The following ANO3 variants were observed in gnomAD, a reference collection of about 807,000 sequenced individuals.
The protein encoded by ANO3 is anoctamin-3.
ANO3 carries 99 observed loss-of-function variants against 144.8 expected under a neutral mutation model. The observed-to-expected ratio is 0.68, with a 90% CI of 0.58 to 0.81. ANO3 has a LOEUF of 0.81. Among genes scored for constraint, ANO3 ranks in the 30% least tolerant of loss-of-function variants. The pLI is 0.00. For missense variants in ANO3, 905 were observed against 1,202.2 expected (o/e 0.75, Z 3.66); for synonymous variants, 414 against 392.6 (o/e 1.05, Z -0.64).
intron 1 of ANO3, among the ~76,000 whole-genome samples, chr11:26,209,223 A>G (rs1188139997): frequency 6.6e-6 from 1 of 151,998 alleles, no homozygotes; most frequent in Non-Finnish European, 1.5e-5. Context: ...TCAACTCCCA[A>G]TATCAGTGAG....
intron 6 of ANO3, among the ~76,000 whole-genome samples, chr11:26,518,149 A>G (rs934928716): frequency 3.3e-5 from 5 of 152,096 alleles, no homozygotes; most frequent in South Asian, 2.1e-4. Context: ...ACTAATTTTG[A>G]GAGTACAGCT....
chr11:26,606,784 G>C (rs1347687339), intron 17 of ANO3, among the ~76,000 whole-genome samples: 1 of 152,202 alleles, frequency 6.6e-6, no homozygotes, highest in East Asian at 1.9e-4. Flanking sequence ...GGTTAATATT[G>C]TTATGTGTGA....
chr11:26,518,189 T>A (rs7945815), intron 6 of ANO3, among the ~76,000 whole-genome samples: 6 of 151,824 alleles, frequency 4.0e-5, no homozygotes, highest in Middle Eastern at 3.2e-3. Context: ...CTAAACAACA[T>A]TTCTTGAGTT....
chr11:26,597,383 A>T (rs772392411), intron 14 of ANO3, among the ~76,000 whole-genome samples: 2 of 152,196 alleles, frequency 1.3e-5, no homozygotes, highest in African/African-American at 2.4e-5. Flanking sequence ...GTTCAGCTGG[A>T]TTAGGACGAA....
chr11:26,506,051 A>G (rs1861423627), intron 4 of ANO3, among the ~76,000 whole-genome samples: 1 of 151,638 alleles, frequency 6.6e-6, no homozygotes, highest in South Asian at 2.1e-4. Flanking sequence ...CAGCAATAAT[A>G]TGTCATTAGT....
intron 1 of ANO3, among the ~76,000 whole-genome samples, chr11:26,314,516 G>C (rs1018360435): frequency 6.6e-6 from 1 of 152,142 alleles, no homozygotes; most frequent in Admixed American, 6.5e-5. Flanking sequence ...GGATTGGCGA[G>C]GATGCTGTGG....
intron 6 of ANO3, among the ~76,000 whole-genome samples, chr11:26,518,316 T>G (rs144314265): frequency 0.01 from 1,540 of 152,158 alleles, 26 homozygotes; most frequent in Non-Finnish European, 0.011. Flanking sequence ...ATGGCAGGAA[T>G]ACTTGCTCTT....
At chr11:26,264,780 A>C (rs1853270054) in intron 1 of ANO3, among the ~76,000 whole-genome samples, 1 of 152,048 alleles carries the variant, frequency 6.6e-6, no homozygotes, top group Admixed American at 6.6e-5. Context: ...TCTGTATCCT[A>C]ATTTTCATTT....
chr11:26,202,177 C>T (rs900782838), intron 1 of ANO3, among the ~76,000 whole-genome samples: 21 of 147,532 alleles, frequency 1.4e-4, no homozygotes, highest in Admixed American at 2.1e-4. Context: ...TCTAACTGAC[C>T]TCACATAATC....
intron 13 of ANO3, among the ~76,000 whole-genome samples, chr11:26,554,581 C>T (rs1339515404): frequency 6.6e-6 from 1 of 152,070 alleles, no homozygotes; most frequent in Non-Finnish European, 1.5e-5. Flanking sequence ...TCTGTGTAGT[C>T]ACCGAGCCTC....
chr11:26,325,866 C>T (rs570694813), intron 1 of ANO3, among the ~76,000 whole-genome samples: 41 of 152,216 alleles, frequency 2.7e-4, no homozygotes, highest in African/African-American at 8.9e-4. Flanking sequence ...GGAGATGGAA[C>T]GACCGTTAGA....
At position 26,662,437 on chromosome 11, in the gene ANO3, C is replaced by A. The variant is rs1263811322; in HGVS notation, c.*1993C>A. ...TTTCTTTGTTAGGTACATGTATACA[C>A]CTGCCTGAGTATAAATACTCTCTCT... On this transcript the variant is annotated 3_prime_UTR_variant, in exon 27 of 27. Transcript: ENST00000256737. 6.6e-6 allele frequency: 1 copy of A among 151,944 alleles called. No homozygotes were observed. Among genetic ancestry groups the A allele is most frequent in the Non-Finnish European group, 1.5e-5 (1 of 67,956 alleles). The allele number at this position is 151,944 out of a possible 1,614,324, so 9.4% of individuals were successfully genotyped here.
intron 4 of ANO3, among the ~76,000 whole-genome samples, chr11:26,502,708 AATGC>A (rs1861246323): frequency 2.0e-5 from 3 of 152,150 alleles, no homozygotes; most frequent in Non-Finnish European, 4.4e-5. Context: ...AGAGCATTGT[AATGC>A]AATGTTTACA....
At chr11:26,529,145 A>AT (rs1246888179) in intron 7 of ANO3, among the ~76,000 whole-genome samples, 2 of 7,328 alleles carry the variant, frequency 2.7e-4, no homozygotes, top group Non-Finnish European at 5.9e-4. Flanking sequence ...TATATTATAT[A>AT]ATAATATATA....
At chr11:26,490,799 C>A (rs1250411203) in intron 4 of ANO3, among the ~76,000 whole-genome samples, 1 of 152,146 alleles carries the variant, frequency 6.6e-6, no homozygotes, top group African/African-American at 2.4e-5. Flanking sequence ...CAAGTGTTTC[C>A]TTCATGAAAG....
chr11:26,593,719 G>A (rs969000674), intron 14 of ANO3, among the ~76,000 whole-genome samples: 3 of 152,132 alleles, frequency 2.0e-5, no homozygotes, highest in Admixed American at 1.3e-4. Context: ...TTTCTATTTG[G>A]ACAATCTTTT....
intron 1 of ANO3, among the ~76,000 whole-genome samples, chr11:26,226,451 A>G (rs1177246283): frequency 6.6e-6 from 1 of 152,160 alleles, no homozygotes; most frequent in African/African-American, 2.4e-5. Context: ...ATATGAATGA[A>G]AAACAAATGA....
At chr11:26,578,835 C>T (rs1327672596) in intron 14 of ANO3, among the ~76,000 whole-genome samples, 3 of 152,174 alleles carry the variant, frequency 2.0e-5, no homozygotes, top group Non-Finnish European at 4.4e-5. Context: ...ACTCAAGTGA[C>T]TCTTCAACCT....
At chr11:26,481,571 T>G (rs1291974906) in intron 4 of ANO3, among the ~76,000 whole-genome samples, 1 of 152,226 alleles carries the variant, frequency 6.6e-6, no homozygotes, top group Admixed American at 6.5e-5. Context: ...TAGTTTCTCC[T>G]TGCACAGCTA....
Sources: gnomAD v4.1 joint callset for allele counts (sites outside exome capture counted in the v4.1 genomes callset) on GRCh38, gnomAD v4.1.1 for gene constraint, MANE v1.5 for transcripts, NCBI Gene and HGNC (gene_info 2026-07-23, HGNC 2026-07-21) for gene names.